Variants in PTPRB observed in about 807,000 individuals in gnomAD.
The protein encoded by PTPRB is protein tyrosine phosphatase receptor type B.
PTPRB carries 97 observed loss-of-function variants against 238.1 expected under a neutral mutation model. The observed-to-expected ratio is 0.41, with a 90% confidence interval of 0.35 to 0.48. The LOEUF is 0.48. PTPRB is among the 20% of genes least tolerant of loss of function. The probability of loss-of-function intolerance (pLI) is 0.30; values close to 1 mark genes in which losing one functional copy is unlikely to be tolerated. For synonymous variants in PTPRB, 970 were observed against 995.4 expected (o/e 0.97, Z 0.48); for missense variants, 2,292 against 2,681.9 (o/e 0.85, Z 3.21).
intron 3 of PTPRB, among the ~76,000 whole-genome samples, chr12:70,611,567 TG>T (rs1884450507): frequency 6.6e-6 from 1 of 152,236 alleles, no homozygotes; most frequent in Admixed American, 6.5e-5. Context: ...CCCAAAGTGC[TG>T]GGATTACAGG....
intron 4 of PTPRB, chr12:70,608,680 C>T (rs1452667037): frequency 5.3e-6 from 1 of 188,336 alleles, no homozygotes; most frequent in Admixed American, 5.4e-5. Context: ...AGGCATACCC[C>T]TAATATTGTA....
intron 28 of PTPRB, 99 bp from the exon 29 acceptor site, chr12:70,536,258 A>C: frequency 7.3e-7 from 1 of 1,365,342 alleles, no homozygotes; most frequent in Non-Finnish European, 1.0e-6. Flanking sequence ...GGTCTCTGCC[A>C]AGTCTCTGAC....
intron 32 of PTPRB, among the ~76,000 whole-genome samples, chr12:70,526,056 T>TAACA (rs543229588): frequency 1.2e-3 from 187 of 152,330 alleles, no homozygotes; most frequent in Non-Finnish European, 2.1e-3. Flanking sequence ...CTTTCCTCAC[T>TAACA]AACAATCTTT....
In PTPRB at chr12:70,587,254, G is replaced by A. The variant is rs375994788; in HGVS notation, c.2064C>T (p.Val688=). 244 of 1,613,746 alleles carry A rather than the reference G, an allele frequency of 1.5e-4. No homozygotes were observed. Among genetic ancestry groups the A allele is most frequent in the Non-Finnish European group, 2.0e-4 (231 of 1,179,808 alleles). Residue 688 remains valine, a synonymous_variant, in exon 9 of 34, where the codon GTC becomes GTT. Coordinates refer to ENST00000334414, the MANE Select transcript of PTPRB (RefSeq NM_001109754.4). ...RCQGRTVPLA[V]LQLRVKHANE... is the part of the protein sequence containing the mutation. ...TGGCATGTTTGACACGAAGCTGGAG[G>A]ACAGCCAGGGGGACTGAGGAAAAAG...
At position 70,555,304 on chromosome 12, in the gene PTPRB, G is replaced by C; in HGVS notation, c.4999C>G (p.Pro1667Ala). The stretch of plus-strand genomic sequence containing the variant: ...ACACGAATGTGTGGGGGTGGAGGAG[G>C]GGGGCCTGGAAAAAGAGGTGGGGAA... ...DSTITMIDRP[P>A]PPPPHIRVNE... The change falls in exon 20 of 34, where the codon CCT becomes GCT. Residue 1667 changes from proline (P) to alanine (A), a missense_variant. Physicochemically the swap from Pro to Ala is conservative, Grantham distance 27. Transcript: ENST00000334414. 6.2e-7 allele frequency: 1 copy of C among 1,611,208 alleles called. No homozygotes were observed. Among genetic ancestry groups the C allele is most frequent in the Non-Finnish European group, 8.5e-7 (1 of 1,179,112 alleles).
At chr12:70,572,168 AAAAG>A in intron 11 of PTPRB, 81 bp from the exon 12 acceptor site, 1 of 1,356,878 alleles carries the variant, frequency 7.4e-7, no homozygotes, top group African/African-American at 1.5e-5. Context: ...TGGGACAATA[AAAAG>A]AGAGAGTAGA....
At position 70,562,734 on chromosome 12, in the gene PTPRB, A is replaced by G. The variant is rs182232200; in HGVS notation, c.4168+110T>C. ...ACAGCCTGAAAGTCACAAATGCCATATAAAGCTACATCCTGAATAGAATAG... is the reference window on the plus strand; with the variant it reads ...ACAGCCTGAAAGTCACAAATGCCATGTAAAGCTACATCCTGAATAGAATAG... On this transcript the variant is annotated intron_variant, in intron 16 of 33. Coordinates refer to ENST00000334414, the MANE Select transcript of PTPRB (RefSeq NM_001109754.4). 2.5e-3 allele frequency: 3,287 copies of G among 1,339,376 alleles called. 68 individuals are homozygous for G. The African/African-American group carries it at 0.045, about 18-fold the overall frequency. The allele number at this position is 1,339,376 out of a possible 1,614,324, so 83.0% of individuals were successfully genotyped here.
chr12:70,576,765 A>G, intron 10 of PTPRB, 120 bp from the exon 11 acceptor site: 1 of 619,702 alleles, frequency 1.6e-6, no homozygotes, highest in Non-Finnish European at 2.8e-6. Context: ...CACTCAGGAG[A>G]TCTAATCTGA....
rs553436253 is a variant in PTPRB, at chr12:70,535,358, G to T, written c.6082-403C>A. Among the ~76,000 whole-genome samples, 6 of 150,780 alleles carry T rather than the reference G, an allele frequency of 4.0e-5. No homozygotes were observed. The South Asian group carries it at 1.3e-3, about 32-fold the overall frequency. ...GGTAGAGGAAGGCACTGTCTTCCTG[G>T]CCCTTCTTCGTTCATATTTTTATGT... is the stretch of plus-strand genomic sequence containing the variant. On this transcript the variant is annotated intron_variant, in intron 29 of 33. Coordinates refer to ENST00000334414, the MANE Select transcript of PTPRB (RefSeq NM_001109754.4).
intron 16 of PTPRB, 85 bp downstream of exon 16, chr12:70,562,759 G>A: frequency 6.7e-7 from 1 of 1,490,288 alleles, no homozygotes; most frequent in Non-Finnish European, 9.1e-7. Flanking sequence ...GAATAGAATA[G>A]GAAACTAAGG....
At chr12:70,575,645 A>G (rs1880601831) in intron 11 of PTPRB, among the ~76,000 whole-genome samples, 1 of 152,232 alleles carries the variant, frequency 6.6e-6, no homozygotes, top group Non-Finnish European at 1.5e-5. Context: ...TTTAAAATAC[A>G]GAAATCAACC....
At chr12:70,546,449 G>T (rs1875983539) in intron 21 of PTPRB, among the ~76,000 whole-genome samples, 1 of 152,264 alleles carries the variant, frequency 6.6e-6, no homozygotes, top group Admixed American at 6.5e-5. Flanking sequence ...CTCTGCATAA[G>T]TCAGCCCAGT....
At chr12:70,524,104 TTTTC>T (rs747979214) in intron 33 of PTPRB, among the ~76,000 whole-genome samples, 3 of 151,250 alleles carry the variant, frequency 2.0e-5, no homozygotes, top group Admixed American at 6.6e-5. Context: ...AGCTAGAATC[TTTTC>T]TTTCTTTCTT....
intron 27 of PTPRB, 192 bp downstream of exon 27, chr12:70,538,732 A>G (rs1430475382): frequency 1.0e-5 from 6 of 594,594 alleles, no homozygotes; most frequent in Middle Eastern, 7.6e-4. Context: ...TCATAATCAG[A>G]ATTTAAACTG....
intron 9 of PTPRB, among the ~76,000 whole-genome samples, chr12:70,586,467 A>G (rs1184777775): frequency 6.6e-6 from 1 of 152,146 alleles, no homozygotes; most frequent in African/African-American, 2.4e-5. Context: ...AGTAGTGTGA[A>G]AACAGACTAA....
intron 10 of PTPRB, among the ~76,000 whole-genome samples, chr12:70,580,443 C>T (rs1881253164): frequency 6.6e-6 from 1 of 152,162 alleles, no homozygotes; most frequent in Admixed American, 6.5e-5. Flanking sequence ...TTAACTGGAA[C>T]ATAAACATTT....
chr12:70,576,162 C>T (rs910779430), intron 11 of PTPRB, among the ~76,000 whole-genome samples: 1 of 152,132 alleles, frequency 6.6e-6, no homozygotes, highest in Non-Finnish European at 1.5e-5. Context: ...ACTCCATAAA[C>T]GGGAACACTT....
intron 8 of PTPRB, 66 bp downstream of exon 8, chr12:70,589,898 C>T: frequency 6.7e-7 from 1 of 1,497,458 alleles, no homozygotes; most frequent in Non-Finnish European, 9.1e-7. Context: ...CGGCAGTTAC[C>T]TGGGTTACCT....
In PTPRB at chr12:70,539,927, TGTG is replaced by T. The variant is rs1432580213; in HGVS notation, c.5678+9_5678+11del. 5.0e-6 allele frequency: 8 copies of T among 1,598,998 alleles called. No homozygotes were observed. The highest frequency in any genetic ancestry group is 6.9e-6 in the Non-Finnish European group (8 of 1,166,380). ...TTTCAACAAATTATACGAAGGCAAATGTGGTGCTTACCCTTTCTGGCCCAGGTT... is the reference window on the plus strand; with the variant it reads ...TTTCAACAAATTATACGAAGGCAAATGTGCTTACCCTTTCTGGCCCAGGTT... On this transcript the variant is annotated intron_variant, in intron 24 of 33. Transcript: ENST00000334414.
Sources: gnomAD v4.1 joint callset for allele counts (sites outside exome capture counted in the v4.1 genomes callset) on GRCh38, gnomAD v4.1.1 for gene constraint, MANE v1.5 for transcripts, NCBI Gene and HGNC (gene_info 2026-07-23, HGNC 2026-07-21) for gene names.